Variants in MYH14 observed in about 807,000 individuals in gnomAD.
The protein encoded by MYH14 is myosin-14.
MYH14 carries 123 observed loss-of-function variants against 255.5 expected under a neutral mutation model. The observed-to-expected ratio is 0.48, with a 90% CI of 0.42 to 0.56. The LOEUF is 0.56. Among genes scored for constraint, MYH14 ranks in the 20% least tolerant of loss-of-function variants. MYH14 has a pLI of 0.00. For synonymous variants in MYH14, 1,095 were observed against 1,161.2 expected, an observed-to-expected ratio of 0.94 and a Z score of 1.16; for missense variants, 2,423 against 2,802.3, an observed-to-expected ratio of 0.86 and a Z score of 3.06.
chr19:50,252,492 A>C lies in MYH14; in HGVS notation c.1831-147A>C. The C allele has an allele frequency of 1.5e-6, 1 of 671,752 alleles. No homozygotes were observed. 41.6% of individuals were successfully genotyped at this position (671,752 alleles called of 1,614,324 possible). A position where few individuals can be genotyped will look rare whatever the true frequency, so the allele number is the denominator to read the frequency against. ...ACCATGCTGGTGGGGTGCAGTTCAGAATATGGACACAAGGTGGCACCAGTG... is the reference window on the plus strand; with the variant it reads ...ACCATGCTGGTGGGGTGCAGTTCAGCATATGGACACAAGGTGGCACCAGTG... On this transcript the variant is annotated intron_variant, in intron 15 of 42. Coordinates refer to ENST00000642316, the MANE Select transcript of MYH14 (RefSeq NM_001145809.2). This position sits in a 1 kb window ranked among gnomAD's most constrained non-coding sequence, Gnocchi z 4.2.
chr19:50,258,741 A>AAAAAAAAAAAAAAAAAAAAAAAAAAAAAC (rs761216499), intron 18 of MYH14: 2 of 145,556 alleles, frequency 1.4e-5, no homozygotes, highest in African/African-American at 5.7e-5. Context: ...AAAAAAAAAA[A>AAAAAAAAAAAAAAAAAAAAAAAAAAAAAC]AAACGAACAA....
intron 3 of MYH14, among the ~76,000 whole-genome samples, chr19:50,220,244 G>A (rs2032744687): frequency 6.6e-6 from 1 of 151,346 alleles, no homozygotes; most frequent in South Asian, 2.1e-4. Context: ...TATACTTATT[G>A]AATATGCATA....
intron 34 of MYH14, among the ~76,000 whole-genome samples, chr19:50,287,604 G>T (rs531269773): frequency 2.6e-5 from 4 of 151,948 alleles, no homozygotes; most frequent in Non-Finnish European, 5.9e-5. Flanking sequence ...GTGGAGATGG[G>T]GTCTTGCTGT....
chr19:50,225,492 A>C, intron 6 of MYH14, 93 bp from the exon 7 acceptor site: 1 of 914,960 alleles, frequency 1.1e-6, no homozygotes, highest in South Asian at 1.5e-5. Context: ...ACACACAGAT[A>C]CTCAGTCAGC....
chr19:50,259,409 C>G, intron 19 of MYH14, 144 bp downstream of exon 19: 3 of 1,105,772 alleles, frequency 2.7e-6, no homozygotes, highest in Non-Finnish European at 3.8e-6. Context: ...CTTTGCTGAG[C>G]CTCAGTTTAC....
intron 10 of MYH14, among the ~76,000 whole-genome samples, chr19:50,235,880 A>G (rs998929737): frequency 6.6e-6 from 1 of 152,126 alleles, no homozygotes; most frequent in Non-Finnish European, 1.5e-5. Flanking sequence ...ACAGACTGGT[A>G]TATTTTGGCC....
At chr19:50,267,623 A>AAAAAATAATAATAAT (rs138463829) in intron 23 of MYH14, among the ~76,000 whole-genome samples, 2 of 149,214 alleles carry the variant, frequency 1.3e-5, no homozygotes, top group South Asian at 2.2e-4. Context: ...TCTGTCTCAA[A>AAAAAATAATAATAAT]AATAATAATA....
Position 50,250,819 on chromosome 19 carries a change from G to A in MYH14, c.1830+131G>A. ...GTCCAGACAAACAGAGCAGGGGCTA[G>A]GAGAGCCCAGGGAGGAGCAAGGATT... is the stretch of plus-strand genomic sequence containing the variant. On this transcript the variant is annotated intron_variant, in intron 15 of 42. Transcript: ENST00000642316. This position sits in a 1 kb window ranked among gnomAD's most constrained non-coding sequence, Gnocchi z 5.4. The A allele has an allele frequency of 2.2e-6, 2 of 927,314 alleles. No homozygotes were observed. The highest frequency in any genetic ancestry group is 1.6e-6 in the Non-Finnish European group (1 of 628,162). The allele number at this position is 927,314 out of a possible 1,614,324, so 57.4% of individuals were successfully genotyped here.
intron 1 of MYH14, 133 bp downstream of exon 1, chr19:50,203,804 G>A (rs1228777901): frequency 1.4e-5 from 2 of 147,964 alleles, no homozygotes; most frequent in Non-Finnish European, 3.0e-5. Context: ...AGGTGACGCG[G>A]ACACTCACCT....
At chr19:50,294,081 TATAA>T (rs984275958) in intron 39 of MYH14, among the ~76,000 whole-genome samples, 4 of 152,222 alleles carry the variant, frequency 2.6e-5, no homozygotes, top group African/African-American at 9.6e-5. Flanking sequence ...CATATTTATT[TATAA>T]ATATTTTCTG....
At chr19:50,287,192 T>A (rs2035921279) in intron 34 of MYH14, among the ~76,000 whole-genome samples, 1 of 151,872 alleles carries the variant, frequency 6.6e-6, no homozygotes, top group African/African-American at 2.4e-5. Context: ...GTGAAGAGAA[T>A]CTCCACCAAA....
chr19:50,274,316 C>G (rs531388013), intron 27 of MYH14, among the ~76,000 whole-genome samples: 30 of 151,874 alleles, frequency 2.0e-4, no homozygotes, highest in African/African-American at 7.2e-4. Context: ...TTTTATTGAG[C>G]TGGAGTCTTG....
chr19:50,261,972 G>A (rs753478073), intron 21 of MYH14, among the ~76,000 whole-genome samples: 3 of 152,162 alleles, frequency 2.0e-5, no homozygotes, highest in Non-Finnish European at 4.4e-5. Context: ...CAAGCTGTCC[G>A]CTCTCCCTGG....
intron 1 of MYH14, among the ~76,000 whole-genome samples, chr19:50,210,096 C>CAAAAAAAAAA (rs71180680): frequency 6.7e-5 from 4 of 59,630 alleles, no homozygotes; most frequent in African/African-American, 2.4e-4. Flanking sequence ...GACTCCGTCT[C>CAAAAAAAAAA]AAAAAAAAAA....
At chr19:50,216,801 CTTTTT>C (rs200626930) in intron 2 of MYH14, among the ~76,000 whole-genome samples, 173 of 112,776 alleles carry the variant, frequency 1.5e-3, no homozygotes, top group African/African-American at 3.6e-3. Flanking sequence ...TCCATCCTTT[CTTTTT>C]TTTTTTTTTT....
In MYH14 at chr19:50,309,035, C is replaced by T; in HGVS notation, c.5818C>T (p.Leu1940=). The change falls in exon 42 of 43, where the codon CTG becomes TTG. Residue 1940 remains leucine (L), a synonymous_variant. Transcript: ENST00000642316. The stretch of plus-strand genomic sequence containing the variant: ...GAAGGGAAACCTTCGAGTCAAGCAG[C>T]TGAAGCGGCAGCTGGAGGAGGCCGA... The part of the protein sequence containing the change: ...LEKGNLRVKQ[L]KRQLEEAEEE... The T allele has an allele frequency of 6.2e-7, 1 of 1,613,402 alleles. No individual in the cohort carries two copies. The highest frequency in any genetic ancestry group is 8.5e-7 in the Non-Finnish European group (1 of 1,179,576).
chr19:50,269,977 G>A (rs981061332), intron 24 of MYH14, among the ~76,000 whole-genome samples: 1 of 152,172 alleles, frequency 6.6e-6, no homozygotes, highest in African/African-American at 2.4e-5. Flanking sequence ...TGTAATCCCG[G>A]CACTTTGGGA....
chr19:50,289,536 A>T lies in MYH14; in HGVS notation c.4853A>T (p.Asp1618Val), dbSNP rs1366781078. Residue 1618 changes from aspartate (D) to valine (V), a missense_variant, in exon 35 of 43, where the codon GAT becomes GTT. Around this residue, in one of 3 missense-constraint regions of MYH14, gnomAD observed 1,513 missense variants for 1,674.8 expected, o/e 0.90. Transcript: ENST00000642316. ...GAGGATGAGCTGACAGCGGCCGAGG[A>T]TGCCAAGCTGCGTCTGGAGGTGACT... ...ELEDELTAAE[D>V]AKLRLEVTVQ... 43 of 1,613,086 alleles carry T rather than the reference A, an allele frequency of 2.7e-5. No homozygotes were observed. The highest frequency in any genetic ancestry group is 3.3e-5 in the Non-Finnish European group (39 of 1,179,674).
In MYH14 at chr19:50,309,192, C is replaced by T. The variant is rs752980518; in HGVS notation, c.5960+15C>T. 4.3e-6 allele frequency: 7 copies of T among 1,613,082 alleles called. No individual in the cohort carries two copies. Among genetic ancestry groups the T allele is most frequent in the Admixed American group, 1.7e-5 (1 of 59,986 alleles). On this transcript the variant is annotated intron_variant, in intron 42 of 42. Transcript: ENST00000642316. Reference sequence around the variant, plus strand: ...AACCGGCTTCGGTATGGTCATCCCACGTACAGGCCTGACGGGTGGGGAGCA... The same window carrying T: ...AACCGGCTTCGGTATGGTCATCCCATGTACAGGCCTGACGGGTGGGGAGCA...
Sources: gnomAD v4.1 joint callset for allele counts (sites outside exome capture counted in the v4.1 genomes callset) on GRCh38, gnomAD v4.1.1 for gene constraint, gnomAD v4.1.1 regional missense constraint, Gnocchi (gnomAD v3.1) non-coding constraint, MANE v1.5 for transcripts, NCBI Gene and HGNC (gene_info 2026-07-23, HGNC 2026-07-21) for gene names.